Variants in FGF14 observed in about 807,000 individuals in gnomAD.
FGF14 encodes the protein fibroblast growth factor 14.
Under a neutral mutation model 25.5 loss-of-function variants are expected in FGF14, and 5 were observed. The observed-to-expected ratio is 0.20, with a 90% CI of 0.10 to 0.41. The LOEUF (loss-of-function observed/expected upper bound fraction) is 0.41. FGF14 is among the 10% of genes least tolerant of loss of function. FGF14 has a pLI of 1.00. For missense variants in FGF14, 222 were observed against 320.1 expected, an observed-to-expected ratio of 0.69 and a Z score of 2.34; for synonymous variants, 138 against 118.3, an observed-to-expected ratio of 1.17 and a Z score of -1.08.
chr13:102,207,144 G>A (rs938820397), intron 1 of FGF14, among the ~76,000 whole-genome samples: 1 of 151,922 alleles, frequency 6.6e-6, no homozygotes, highest in Non-Finnish European at 1.5e-5. Context: ...GCCAGGCATG[G>A]TGGCACATGC....
At chr13:101,919,752 C>T (rs892808870), upstream of FGF14, among the ~76,000 whole-genome samples, 6 of 152,268 alleles carry the variant, frequency 3.9e-5, no homozygotes, top group African/African-American at 1.4e-4. Context: ...ACTTTTTTCC[C>T]TCATGATGGG....
intron 3 of FGF14, among the ~76,000 whole-genome samples, chr13:101,865,065 C>T (rs1406694867): frequency 6.6e-6 from 1 of 152,138 alleles, no homozygotes; most frequent in Non-Finnish European, 1.5e-5. Context: ...CTCATTGTAT[C>T]ATCAGTCTCT....
chr13:101,749,092 G>A (rs144092937), intron 3 of FGF14, among the ~76,000 whole-genome samples: 1 of 152,208 alleles, frequency 6.6e-6, no homozygotes, highest in East Asian at 1.9e-4. Flanking sequence ...CCACTTATAT[G>A]AGGTAACTAA....
intron 1 of FGF14, among the ~76,000 whole-genome samples, chr13:102,044,670 C>A (rs748258712): frequency 4.6e-5 from 7 of 152,064 alleles, no homozygotes; most frequent in Non-Finnish European, 7.4e-5. Context: ...CATGATCTCT[C>A]AAAGCCATTT....
At chr13:102,071,141 T>A (rs1048300850) in intron 1 of FGF14, among the ~76,000 whole-genome samples, 2 of 152,200 alleles carry the variant, frequency 1.3e-5, no homozygotes, top group African/African-American at 4.8e-5. Context: ...GAGAAAAAGA[T>A]GTTTAACAAA....
intron 1 of FGF14, among the ~76,000 whole-genome samples, chr13:102,038,924 C>T (rs1363782340): frequency 6.6e-6 from 1 of 152,240 alleles, no homozygotes; most frequent in Non-Finnish European, 1.5e-5. Context: ...CAAATGCTCC[C>T]ATGAGTGATC....
intron 1 of FGF14, among the ~76,000 whole-genome samples, chr13:102,125,731 T>C (rs1014528703): frequency 9.9e-5 from 15 of 152,180 alleles, no homozygotes; most frequent in African/African-American, 3.4e-4. Flanking sequence ...TAGCATTCAA[T>C]TGATTTGAAC....
At chr13:101,850,527 C>A (rs1456845934) in intron 3 of FGF14, among the ~76,000 whole-genome samples, 2 of 39,014 alleles carry the variant, frequency 5.1e-5, no homozygotes, top group Admixed American at 3.4e-4. Flanking sequence ...ATTATATATT[C>A]TATATATATA....
At chr13:102,230,132 G>A (rs2149863) in intron 1 of FGF14, among the ~76,000 whole-genome samples, 122,958 of 152,142 alleles carry the variant, frequency 0.81, 50,083 homozygotes, top group African/African-American at 0.91. Context: ...AAGAAGGTCC[G>A]AGGGAGCTTG....
intron 1 of FGF14, among the ~76,000 whole-genome samples, chr13:102,229,460 G>A (rs2140986652): frequency 6.6e-6 from 1 of 152,240 alleles, no homozygotes; most frequent in South Asian, 2.1e-4. Flanking sequence ...TATATTTTGT[G>A]GGCACTGTCC....
chr13:102,367,189 C>G (rs2057739031), intron 1 of FGF14: 1 of 152,200 alleles, frequency 6.6e-6, no homozygotes, highest in Non-Finnish European at 1.5e-5. Context: ...CCCAGGGTCT[C>G]TCATGAGTTT....
chr13:101,760,103 C>T (rs1413107801), intron 3 of FGF14, among the ~76,000 whole-genome samples: 11 of 152,138 alleles, frequency 7.2e-5, no homozygotes, highest in Admixed American at 6.6e-4. Flanking sequence ...AGAAAATCCA[C>T]TTTTTCATAC....
chr13:101,988,783 C>T (rs957270206), intron 1 of FGF14, among the ~76,000 whole-genome samples: 4 of 151,654 alleles, frequency 2.6e-5, no homozygotes, highest in African/African-American at 4.8e-5. Flanking sequence ...GTGCAGCACA[C>T]GAACATGGCA....
In FGF14 at chr13:102,375,128, C is replaced by T. The variant is rs149096755; in HGVS notation, c.208+26343G>A. Among the ~76,000 whole-genome samples, 743 of 152,254 alleles carry T rather than the reference C, an allele frequency of 4.9e-3. 3 individuals are homozygous for T. The highest frequency in any genetic ancestry group is 7.4e-3 in the Non-Finnish European group (501 of 68,018). ...ACATCTGGCCAATCATTTCAGCTCA[C>T]TGTACCCAAATGGAACTGGAAACAC... On this transcript the variant is annotated intron_variant, in intron 1 of 4. Coordinates refer to the FGF14 transcript ENST00000376131.
chr13:102,367,304 T>C (rs2057742589), intron 1 of FGF14: 1 of 152,180 alleles, frequency 6.6e-6, no homozygotes, highest in Non-Finnish European at 1.5e-5. Flanking sequence ...TGGTCCTGGG[T>C]GTTGGCAGCA....
At chr13:102,386,363 C>T (rs1009350051) in intron 1 of FGF14, among the ~76,000 whole-genome samples, 3 of 152,010 alleles carry the variant, frequency 2.0e-5, no homozygotes, top group Admixed American at 1.3e-4. Context: ...AACCCCTGAC[C>T]TCAAGTGATC....
chr13:102,094,792 T>C (rs1188993526), intron 1 of FGF14, among the ~76,000 whole-genome samples: 2 of 152,130 alleles, frequency 1.3e-5, no homozygotes, highest in African/African-American at 2.4e-5. Context: ...AAGTACCTCA[T>C]CAATAAGGGA....
intron 1 of FGF14, among the ~76,000 whole-genome samples, chr13:101,890,935 T>C (rs991512795): frequency 4.6e-5 from 7 of 152,032 alleles, no homozygotes; most frequent in African/African-American, 9.7e-5. Flanking sequence ...CTTTTTTTTT[T>C]CTTATTGATA....
chr13:102,071,464 CCT>C (rs747330862), intron 1 of FGF14, among the ~76,000 whole-genome samples: 35 of 152,178 alleles, frequency 2.3e-4, no homozygotes, highest in Admixed American at 3.3e-4. Flanking sequence ...CTGTTCTCCC[CCT>C]GTTTACTATT....
Sources: gnomAD v4.1 joint callset for allele counts (sites outside exome capture counted in the v4.1 genomes callset) on GRCh38, gnomAD v4.1.1 for gene constraint, MANE v1.5 for transcripts, NCBI Gene and HGNC (gene_info 2026-07-23, HGNC 2026-07-21) for gene names.